Variants in PRR16 observed in about 807,000 individuals in gnomAD.
The protein encoded by PRR16 is proline rich 16, also known as protein Largen.
PRR16 carries 6 observed loss-of-function variants against 18.2 expected under a neutral mutation model. The ratio of observed to expected loss-of-function variants is 0.33; its 90% confidence interval spans 0.18 to 0.65. PRR16 has a LOEUF of 0.65. Ranked by LOEUF, PRR16 falls within the 30% of genes least tolerant of loss-of-function variation. The probability of loss-of-function intolerance (pLI) is 0.74; values close to 1 mark genes in which losing one functional copy is unlikely to be tolerated. For missense variants in PRR16, 412 were observed against 376.6 expected, an observed-to-expected ratio of 1.09 and a Z score of -0.78; for synonymous variants, 151 against 147.8, an observed-to-expected ratio of 1.02 and a Z score of -0.16.
chr5:120,694,506 A>C, the PRR16 span, among the ~76,000 whole-genome samples: 1 of 151,956 alleles, frequency 6.6e-6, no homozygotes, highest in African/African-American at 2.4e-5. Context: ...AACACGGTGA[A>C]ACCCCGTCTG....
intron 1 of PRR16, among the ~76,000 whole-genome samples, chr5:120,586,449 T>G (rs1415208917): frequency 6.6e-6 from 1 of 152,204 alleles, no homozygotes; most frequent in Non-Finnish European, 1.5e-5. Context: ...ATTGAAGGTT[T>G]GTGGCAACCC....
At chr5:120,629,569 A>G (rs1049689510) in intron 1 of PRR16, among the ~76,000 whole-genome samples, 3 of 152,126 alleles carry the variant, frequency 2.0e-5, no homozygotes, top group African/African-American at 7.2e-5. Context: ...TTTATGTTTC[A>G]TAAATTAACC....
intron 1 of PRR16, among the ~76,000 whole-genome samples, chr5:120,505,966 A>G (rs1287139920): frequency 9.3e-5 from 14 of 150,172 alleles, no homozygotes; most frequent in Admixed American, 8.0e-4. Context: ...ATATATATAT[A>G]TATACACATT....
chr5:120,752,382 A>G, the PRR16 span, among the ~76,000 whole-genome samples: 1 of 152,010 alleles, frequency 6.6e-6, no homozygotes, highest in Non-Finnish European at 1.5e-5. Context: ...ACACAATAAC[A>G]GAGAAACCTG....
intron 1 of PRR16, among the ~76,000 whole-genome samples, chr5:120,544,064 G>A (rs866431587): frequency 2.0e-5 from 3 of 152,234 alleles, no homozygotes; most frequent in Middle Eastern, 3.4e-3. Context: ...TGGTCTGTGC[G>A]ATCATCATGG....
intron 1 of PRR16, among the ~76,000 whole-genome samples, chr5:120,601,283 G>A (rs965655455): frequency 6.6e-6 from 1 of 151,982 alleles, no homozygotes; most frequent in African/African-American, 2.4e-5. Flanking sequence ...GGTGGGAGAT[G>A]ATGCTTTCTT....
the PRR16 span, among the ~76,000 whole-genome samples, chr5:120,757,363 G>C: frequency 6.6e-6 from 1 of 151,992 alleles, no homozygotes; most frequent in African/African-American, 2.4e-5. Flanking sequence ...AATAACATTG[G>C]TAGTTTGACA....
intron 1 of PRR16, among the ~76,000 whole-genome samples, chr5:120,493,325 T>A (rs1335873076): frequency 6.6e-6 from 1 of 152,208 alleles, no homozygotes; most frequent in Non-Finnish European, 1.5e-5. Context: ...TTGAACATTT[T>A]TTCATATGGT....
chr5:120,660,734 C>T (rs1756146868), intron 1 of PRR16, among the ~76,000 whole-genome samples: 1 of 151,976 alleles, frequency 6.6e-6, no homozygotes, highest in Non-Finnish European at 1.5e-5. Context: ...TATATAGGCA[C>T]TCATGACATT....
At chr5:120,701,767 G>T in the PRR16 span, among the ~76,000 whole-genome samples, 5 of 152,110 alleles carry the variant, frequency 3.3e-5, no homozygotes, top group Non-Finnish European at 7.4e-5. Flanking sequence ...GATTTGGGAC[G>T]AGTTGCACTG....
chr5:120,730,068 C>A, the PRR16 span, among the ~76,000 whole-genome samples: 10 of 152,218 alleles, frequency 6.6e-5, no homozygotes, highest in African/African-American at 2.4e-4. Flanking sequence ...ATGTTATTTT[C>A]TTTATGCATT....
chr5:120,508,164 C>G (rs1750706401), intron 1 of PRR16, among the ~76,000 whole-genome samples: 1 of 152,084 alleles, frequency 6.6e-6, no homozygotes, highest in Admixed American at 6.6e-5. Flanking sequence ...CTTTTCTTCC[C>G]TTTCCCCTTC....
chr5:120,612,053 G>A (rs565003670), intron 1 of PRR16, among the ~76,000 whole-genome samples: 1 of 152,264 alleles, frequency 6.6e-6, no homozygotes, highest in South Asian at 2.1e-4. Flanking sequence ...AGATCATTTT[G>A]GGGCTTTAAA....
the PRR16 span, among the ~76,000 whole-genome samples, chr5:120,715,750 G>A: frequency 6.6e-6 from 1 of 152,132 alleles, no homozygotes; most frequent in East Asian, 1.9e-4. Flanking sequence ...GAACATCTCA[G>A]GAGATACACT....
At chr5:120,762,982 T>C in the PRR16 span, among the ~76,000 whole-genome samples, 6,578 of 152,236 alleles carry the variant, frequency 0.043, 188 homozygotes, top group South Asian at 0.078. Flanking sequence ...TTTTTCTGCA[T>C]ATGAATATCC....
chr5:120,570,447 G>A (rs958952536), intron 1 of PRR16, among the ~76,000 whole-genome samples: 2 of 152,184 alleles, frequency 1.3e-5, no homozygotes, highest in African/African-American at 2.4e-5. Context: ...GATGTATAAT[G>A]TAGGGACCTA....
chr5:120,629,877 TG>T (rs1754997778), intron 1 of PRR16, among the ~76,000 whole-genome samples: 2 of 144,118 alleles, frequency 1.4e-5, no homozygotes, highest in Non-Finnish European at 3.2e-5. Context: ...TGGGCTGCAT[TG>T]TTGCTTTCGA....
chr5:120,702,606 T>G, the PRR16 span, among the ~76,000 whole-genome samples: 2 of 152,056 alleles, frequency 1.3e-5, no homozygotes, highest in Non-Finnish European at 2.9e-5. Context: ...GTCCGTGAAA[T>G]GATTAAACAC....
chr5:120,520,757 A>G (rs1039511464), intron 1 of PRR16, among the ~76,000 whole-genome samples: 1 of 152,166 alleles, frequency 6.6e-6, no homozygotes, highest in Non-Finnish European at 1.5e-5. Flanking sequence ...AAAATGTGTG[A>G]GTTAAAATGG....
Sources: allele counts gnomAD v4.1 joint callset (sites outside exome capture counted in the v4.1 genomes callset), GRCh38; gene constraint gnomAD v4.1.1; transcripts MANE v1.5; gene names NCBI Gene and HGNC (gene_info 2026-07-23, HGNC 2026-07-21).